SEC24B: variants seen among roughly 807,000 people sequenced by gnomAD.
SEC24B encodes the protein protein transport protein Sec24B.
Under a neutral mutation model 142.8 loss-of-function variants are expected in SEC24B, and 45 were observed. That is an observed-to-expected ratio of 0.32 (90% confidence interval 0.25 to 0.40). The LOEUF (loss-of-function observed/expected upper bound fraction) is 0.40. SEC24B is among the 10% of genes least tolerant of loss of function. The pLI is 1.00. For missense variants in SEC24B, 1,409 were observed against 1,526.8 expected (o/e 0.92, Z 1.29); for synonymous variants, 574 against 568.2 (o/e 1.01, Z -0.15).
chr4:109,508,719 T>C (rs562157429), intron 7 of SEC24B, among the ~76,000 whole-genome samples: 1 of 152,214 alleles, frequency 6.6e-6, no homozygotes, highest in Non-Finnish European at 1.5e-5. Context: ...GTACAGGCTT[T>C]AGAGTTGAGC....
In SEC24B at chr4:109,539,837, C is replaced by T. The variant is rs1726002270; in HGVS notation, c.*162C>T. ...GTAAAAAGTAAAGGGGAAGAAAGAA[C>T]TTGACAGATCTTTTTCAACTCAAAT... On this transcript the variant is annotated 3_prime_UTR_variant, in exon 24 of 24. Transcript: ENST00000265175. The T allele has an allele frequency of 6.9e-6, 4 of 580,046 alleles. No homozygotes were observed. The highest frequency in any genetic ancestry group is 1.2e-5 in the Non-Finnish European group (4 of 329,912). 35.9% of individuals were successfully genotyped at this position (580,046 alleles called of 1,614,324 possible).
chr4:109,509,248 C>T (rs1476554068), intron 7 of SEC24B, among the ~76,000 whole-genome samples: 1 of 152,126 alleles, frequency 6.6e-6, no homozygotes, highest in African/African-American at 2.4e-5. Context: ...AACACTAAGG[C>T]TGGAATAAAT....
At chr4:109,465,023 G>A (rs769332462) in intron 2 of SEC24B, among the ~76,000 whole-genome samples, 2 of 152,192 alleles carry the variant, frequency 1.3e-5, no homozygotes, top group African/African-American at 4.8e-5. Context: ...CATTAAGTCA[G>A]AATTAAAAGC....
chr4:109,456,253 A>G lies in SEC24B; in HGVS notation c.134-6648A>G, dbSNP rs1344983312. Among the ~76,000 whole-genome samples, 3 of 151,068 alleles carry G rather than the reference A, an allele frequency of 2.0e-5. No homozygotes were observed. The South Asian group carries it at 6.3e-4, about 31-fold the overall frequency. ...TATGACCTTGATAAACTCACTTATT[A>G]ATTCCAGGCATTTTTTGGAAGATTT... On this transcript the variant is annotated intron_variant, in intron 1 of 23. Coordinates refer to ENST00000265175, the MANE Select transcript of SEC24B (RefSeq NM_006323.5).
chr4:109,477,142 A>AT (rs1733258464), intron 3 of SEC24B, among the ~76,000 whole-genome samples: 1 of 99,038 alleles, frequency 1.0e-5, no homozygotes, highest in Non-Finnish European at 1.7e-5. Flanking sequence ...GTCTCAAATA[A>AT]AAAAAAAAAA....
chr4:109,445,499 G>A (rs1380114272), intron 1 of SEC24B, among the ~76,000 whole-genome samples: 4 of 150,520 alleles, frequency 2.7e-5, no homozygotes, highest in Admixed American at 6.7e-5. Context: ...TGATCCGCCC[G>A]TCTCAGCCTC....
At chr4:109,447,539 C>G (rs1320594606) in intron 1 of SEC24B, among the ~76,000 whole-genome samples, 1 of 152,098 alleles carries the variant, frequency 6.6e-6, no homozygotes, top group East Asian at 1.9e-4. Context: ...TTTTTCCCAC[C>G]AGCTCAGCAT....
chr4:109,504,862 A>G (rs1736519094), intron 6 of SEC24B, among the ~76,000 whole-genome samples: 1 of 152,158 alleles, frequency 6.6e-6, no homozygotes, highest in Non-Finnish European at 1.5e-5. Flanking sequence ...ATCATTATCC[A>G]TATATTAGCT....
At chr4:109,523,094 T>A (rs745651596) in intron 14 of SEC24B, among the ~76,000 whole-genome samples, 6 of 152,068 alleles carry the variant, frequency 3.9e-5, no homozygotes, top group Non-Finnish European at 8.8e-5. Flanking sequence ...CCTTAGCTAC[T>A]CAAGAGGCTG....
rs34484359 is a variant in SEC24B, at chr4:109,521,519, A to G, written c.2401A>G (p.Met801Val). ...TGCACTTCAGGCTGCCTTTAAATTA[A>G]TGTCTCCAACAGGTGGCCGTGTGTC... ...GPALQAAFKLMSPTGGRVSVF... is the reference protein window; with the variant it reads ...GPALQAAFKLVSPTGGRVSVF... Residue 801 changes from methionine (M) to valine (V), a missense_variant, in exon 14 of 24, where the codon ATG (methionine) becomes GTG (valine). Around this residue, in one of 2 missense-constraint regions of SEC24B, gnomAD observed 700 missense variants for 853.3 expected, o/e 0.82. Transcript: ENST00000265175. 2 of 1,614,150 alleles carry G rather than the reference A, an allele frequency of 1.2e-6. No individual in the cohort carries two copies. Among genetic ancestry groups the G allele is most frequent in the Non-Finnish European group, 1.7e-6 (2 of 1,179,998 alleles).
chr4:109,528,002 A>G (rs1724446414), intron 18 of SEC24B, among the ~76,000 whole-genome samples: 1 of 152,188 alleles, frequency 6.6e-6, no homozygotes, highest in Non-Finnish European at 1.5e-5. Context: ...CACTCATACA[A>G]TAGAATATAA....
At chr4:109,481,641 G>C (rs752325723) in intron 3 of SEC24B, 36 bp from the exon 4 acceptor site, 11 of 1,403,960 alleles carry the variant, frequency 7.8e-6, no homozygotes, top group Non-Finnish European at 1.1e-5. Context: ...CTTTCCTGTT[G>C]GTTTGACTCT....
At chr4:109,527,228 A>G (rs1306711065) in intron 17 of SEC24B, 94 bp from the exon 18 acceptor site, 2 of 932,500 alleles carry the variant, frequency 2.1e-6, no homozygotes, top group Non-Finnish European at 3.3e-6. Flanking sequence ...CAAAAAAAAA[A>G]AAAAGAAAGA....
At chr4:109,512,323 C>G (rs938258964) in intron 9 of SEC24B, among the ~76,000 whole-genome samples, 5 of 152,140 alleles carry the variant, frequency 3.3e-5, no homozygotes, top group Non-Finnish European at 7.3e-5. Context: ...AACAGTGACA[C>G]TCATGCAGGT....
chr4:109,505,472 A>G (rs1375938379), intron 6 of SEC24B, among the ~76,000 whole-genome samples: 1 of 152,170 alleles, frequency 6.6e-6, no homozygotes, highest in East Asian at 1.9e-4. Flanking sequence ...AGATACCGGT[A>G]TAAAATCAAA....
intron 2 of SEC24B, among the ~76,000 whole-genome samples, chr4:109,467,268 GT>G: frequency 6.7e-6 from 1 of 148,596 alleles, no homozygotes; most frequent in Admixed American, 6.8e-5. Flanking sequence ...GGAGCTTGCA[GT>G]GAGCCGAGAT....
intron 10 of SEC24B, among the ~76,000 whole-genome samples, chr4:109,515,093 TTTTA>T (rs894085516): frequency 9.9e-5 from 15 of 151,970 alleles, no homozygotes; most frequent in African/African-American, 3.4e-4. Context: ...GTTAGCACAT[TTTTA>T]TTTATTTATT....
chr4:109,459,113 A>G (rs948440778), intron 1 of SEC24B, among the ~76,000 whole-genome samples: 11 of 152,170 alleles, frequency 7.2e-5, no homozygotes, highest in African/African-American at 1.9e-4. Context: ...GTGTTGCTCT[A>G]CTCTTCGAAA....
intron 19 of SEC24B, among the ~76,000 whole-genome samples, chr4:109,531,097 A>G (rs961017241): frequency 1.3e-5 from 2 of 152,164 alleles, no homozygotes; most frequent in Admixed American, 6.5e-5. Flanking sequence ...GCATCTTTCC[A>G]TGTCTCTGGC....
Sources: gnomAD v4.1 joint callset for allele counts (sites outside exome capture counted in the v4.1 genomes callset) on GRCh38, gnomAD v4.1.1 for gene constraint, gnomAD v4.1.1 regional missense constraint, MANE v1.5 for transcripts, NCBI Gene and HGNC (gene_info 2026-07-23, HGNC 2026-07-21) for gene names.